UGT8: variants seen among roughly 807,000 people sequenced by gnomAD.
The protein encoded by UGT8 is UDP glycosyltransferase 8.
UGT8 carries 12 observed loss-of-function variants against 40.5 expected under a neutral mutation model. The observed-to-expected ratio is 0.30, with a 90% confidence interval of 0.19 to 0.48. The LOEUF (loss-of-function observed/expected upper bound fraction) is 0.48. Among genes scored for constraint, UGT8 ranks in the 20% least tolerant of loss-of-function variants. The probability of loss-of-function intolerance (pLI) is 0.99; values close to 1 mark genes in which losing one functional copy is unlikely to be tolerated. For synonymous variants in UGT8, 224 were observed against 240.4 expected (o/e 0.93, Z 0.63); for missense variants, 513 against 648.7 (o/e 0.79, Z 2.27).
intron 1 of UGT8, among the ~76,000 whole-genome samples, chr4:114,612,569 A>G (rs933908545): frequency 6.6e-6 from 1 of 152,164 alleles, no homozygotes; most frequent in African/African-American, 2.4e-5. Context: ...ATTTTAAGCA[A>G]ATTGTCCTTT....
At chr4:114,615,722 CAT>C (rs1731367907) in intron 1 of UGT8, among the ~76,000 whole-genome samples, 5 of 152,164 alleles carry the variant, frequency 3.3e-5, no homozygotes, top group African/African-American at 1.2e-4. Context: ...ACTCCAAGGG[CAT>C]ACATTAGAAA....
chr4:114,663,868 A>G (rs1026349753), intron 2 of UGT8, 127 bp from the exon 3 acceptor site: 4 of 1,454,698 alleles, frequency 2.7e-6, no homozygotes, highest in Non-Finnish European at 3.6e-6. Flanking sequence ...AGAAAATATC[A>G]TATCCTTTAC....
intron 2 of UGT8, among the ~76,000 whole-genome samples, chr4:114,633,909 A>C (rs1425696884): frequency 6.6e-6 from 1 of 151,602 alleles, no homozygotes; most frequent in Non-Finnish European, 1.5e-5. Context: ...GCGCCACTGC[A>C]CTCCAGCCTG....
At chr4:114,656,680 G>C (rs1355783358) in intron 2 of UGT8, 6 of 415,058 alleles carry the variant, frequency 1.4e-5, no homozygotes, top group Non-Finnish European at 3.0e-5. Context: ...GAGAACAATA[G>C]AGGAGATACT....
intron 2 of UGT8, among the ~76,000 whole-genome samples, chr4:114,645,209 A>C (rs903996602): frequency 6.6e-6 from 1 of 152,232 alleles, no homozygotes; most frequent in South Asian, 2.1e-4. Flanking sequence ...GAGGATAAGC[A>C]TCAAGAGTTT....
At chr4:114,624,757 A>G (rs1732082236) in intron 2 of UGT8, among the ~76,000 whole-genome samples, 1 of 152,152 alleles carries the variant, frequency 6.6e-6, no homozygotes, top group African/African-American at 2.4e-5. Flanking sequence ...TAATATGGCC[A>G]TTAGAGTTAT....
intron 1 of UGT8, among the ~76,000 whole-genome samples, chr4:114,603,718 A>G (rs1409679396): frequency 6.6e-6 from 1 of 152,104 alleles, no homozygotes; most frequent in Non-Finnish European, 1.5e-5. Flanking sequence ...TCATTTAGCA[A>G]ATGAGGGGAG....
chr4:114,650,129 G>C (rs1323037075), intron 2 of UGT8, among the ~76,000 whole-genome samples: 1 of 152,138 alleles, frequency 6.6e-6, no homozygotes, highest in South Asian at 2.1e-4. Context: ...CCTCTCTTCA[G>C]GTGCTAAATC....
intron 2 of UGT8, among the ~76,000 whole-genome samples, chr4:114,637,405 A>G (rs1732950786): frequency 6.6e-6 from 1 of 152,206 alleles, no homozygotes; most frequent in African/African-American, 2.4e-5. Flanking sequence ...TTGTTTAGAA[A>G]TATACATTTT....
intron 2 of UGT8, among the ~76,000 whole-genome samples, chr4:114,629,574 G>A (rs1732446435): frequency 6.6e-6 from 1 of 152,162 alleles, no homozygotes; most frequent in African/African-American, 2.4e-5. Context: ...TTTGTAGTAA[G>A]AAACCAAATT....
At chr4:114,629,686 T>C (rs1208506000) in intron 2 of UGT8, among the ~76,000 whole-genome samples, 3 of 152,202 alleles carry the variant, frequency 2.0e-5, no homozygotes, top group Admixed American at 6.5e-5. Flanking sequence ...AGTTCACTGA[T>C]ACAAAAATTT....
At chr4:114,614,837 A>T in intron 1 of UGT8, among the ~76,000 whole-genome samples, 1 of 133,744 alleles carries the variant, frequency 7.5e-6, no homozygotes, top group African/African-American at 2.7e-5. Flanking sequence ...TAAAGGTGCC[A>T]GACTTTTTTT....
chr4:114,644,640 A>G (rs1733441553), intron 2 of UGT8, among the ~76,000 whole-genome samples: 1 of 152,162 alleles, frequency 6.6e-6, no homozygotes, highest in Admixed American at 6.5e-5. Context: ...AACTGAATGG[A>G]TGAATTGATA....
chr4:114,642,133 G>A (rs1253261978), intron 2 of UGT8, among the ~76,000 whole-genome samples: 2 of 152,036 alleles, frequency 1.3e-5, no homozygotes, highest in Non-Finnish European at 2.9e-5. Context: ...CCTTATGTAT[G>A]TAATAGAATT....
Position 114,612,263 on chromosome 4 carries a change from G to GTA in UGT8, c.-2-10616_-2-10615insTA, listed in dbSNP as rs1292557897. Among the ~76,000 whole-genome samples, 11 of 152,090 alleles carry GTA rather than the reference G, an allele frequency of 7.2e-5. No homozygotes were observed. In the East Asian group the frequency reaches 2.1e-3, roughly 29 times the overall value. ...TTAGTTGTTTATTTTGGTATACTTT[G>GTA]CTATGACATTGTACAAGTGTAGCCT... is the stretch of plus-strand genomic sequence containing the variant. On this transcript the variant is annotated intron_variant, in intron 1 of 5. Coordinates refer to ENST00000310836, the MANE Select transcript of UGT8 (RefSeq NM_001128174.3).
At chr4:114,619,147 C>G (rs572692570) in intron 1 of UGT8, among the ~76,000 whole-genome samples, 1 of 152,148 alleles carries the variant, frequency 6.6e-6, no homozygotes, top group South Asian at 2.1e-4. Context: ...CAAAACCCAA[C>G]AATCATCCAG....
chr4:114,627,686 A>G (rs1429175669), intron 2 of UGT8, among the ~76,000 whole-genome samples: 1 of 152,218 alleles, frequency 6.6e-6, no homozygotes, highest in East Asian at 1.9e-4. Flanking sequence ...AGGGAATCTA[A>G]TAGTTATTAA....
intron 2 of UGT8, among the ~76,000 whole-genome samples, chr4:114,631,499 A>G (rs1054051120): frequency 2.0e-5 from 3 of 152,248 alleles, no homozygotes; most frequent in Non-Finnish European, 4.4e-5. Flanking sequence ...CAAAAACAAC[A>G]ATAAAAGAAA....
chr4:114,663,338 C>T (rs1039026385), intron 2 of UGT8, among the ~76,000 whole-genome samples: 1 of 152,010 alleles, frequency 6.6e-6, no homozygotes, highest in Non-Finnish European at 1.5e-5. Flanking sequence ...TGCATTATGG[C>T]ATAGGAGTCA....
Sources: gnomAD v4.1 joint callset for allele counts (sites outside exome capture counted in the v4.1 genomes callset) on GRCh38, gnomAD v4.1.1 for gene constraint, MANE v1.5 for transcripts, NCBI Gene and HGNC (gene_info 2026-07-23, HGNC 2026-07-21) for gene names.